The following SYNJ1 variants were observed in gnomAD, a reference collection of about 807,000 sequenced individuals.
SYNJ1 encodes the protein polyphosphatidylinositol phosphatase SYNJ1.
In SYNJ1, 78 loss-of-function variants were observed where a neutral mutation model predicts 168.2. The observed-to-expected ratio is 0.46, with a 90% confidence interval of 0.39 to 0.56. SYNJ1 has a LOEUF of 0.56. Ranked by LOEUF, SYNJ1 falls within the 20% of genes least tolerant of loss-of-function variation. The pLI, the probability that SYNJ1 is intolerant of heterozygous loss-of-function variation, is 0.00. For missense variants in SYNJ1, 1,303 were observed against 1,597.6 expected (o/e 0.82, Z 3.14); for synonymous variants, 539 against 548.6 (o/e 0.98, Z 0.24).
chr21:32,685,197 A>G (rs998021704), intron 9 of SYNJ1, among the ~76,000 whole-genome samples: 1 of 151,634 alleles, frequency 6.6e-6, no homozygotes, highest in African/African-American at 2.4e-5. Flanking sequence ...AAAAAAAAAA[A>G]AAGACTTAAG....
chr21:32,687,455 G>A (rs1007066931), intron 7 of SYNJ1, among the ~76,000 whole-genome samples: 18 of 152,170 alleles, frequency 1.2e-4, no homozygotes, highest in Non-Finnish European at 2.1e-4. Context: ...AGTATTCAGA[G>A]GGACCTCCTT....
Position 32,637,008 on chromosome 21 carries a change from A to G in SYNJ1, c.3915+1900T>C, listed in dbSNP as rs2039596889. Among the ~76,000 whole-genome samples, 2 of 152,190 alleles carry G rather than the reference A, an allele frequency of 1.3e-5. 1 individual carries two copies. Among genetic ancestry groups the G allele is most frequent in the South Asian group, 4.1e-4 (2 of 4,828 alleles). ...TATACTCACTTCAATGAAAAACATA[A>G]AACAATGGAAAGTTTTCTGAGAAAA... On this transcript the variant is annotated intron_variant, in intron 31 of 32. Coordinates refer to ENST00000674351, the MANE Select transcript of SYNJ1 (RefSeq NM_203446.3).
intron 29 of SYNJ1, among the ~76,000 whole-genome samples, chr21:32,640,250 C>T (rs2039770727): frequency 6.6e-6 from 1 of 151,840 alleles, no homozygotes; most frequent in Admixed American, 6.6e-5. Flanking sequence ...GAGATACATA[C>T]CTGAGCAACT....
intron 18 of SYNJ1, among the ~76,000 whole-genome samples, chr21:32,659,781 C>T (rs2040608633): frequency 1.3e-5 from 2 of 152,240 alleles, no homozygotes; most frequent in African/African-American, 2.4e-5. Flanking sequence ...TTTCCTTCTA[C>T]AACTCGGTGT....
Position 32,722,493 on chromosome 21 carries a change from T to C in SYNJ1, c.124+4279A>G, listed in dbSNP as rs117022710. ...TGAACCCAGGAGGCGGAGGTTGCAG[T>C]GCACGGAGATCATACCACTGCACTC... On this transcript the variant is annotated intron_variant, in intron 2 of 32. Transcript: ENST00000674351. Among the ~76,000 whole-genome samples, 90 of 152,188 alleles carry C rather than the reference T, an allele frequency of 5.9e-4. 1 individual carries two copies. The East Asian group carries it at 0.017, about 28-fold the overall frequency.
chr21:32,723,480 C>A (rs1179352600), intron 2 of SYNJ1, among the ~76,000 whole-genome samples: 5 of 152,302 alleles, frequency 3.3e-5, no homozygotes, highest in African/African-American at 1.2e-4. Flanking sequence ...AAGAAAAACA[C>A]CTACATATGA....
At chr21:32,694,149 A>T in intron 6 of SYNJ1, 79 bp downstream of exon 6, 2 of 994,996 alleles carry the variant, frequency 2.0e-6, no homozygotes, top group Non-Finnish European at 2.8e-6. Flanking sequence ...TCAATGAATT[A>T]ATTAATAAAC....
At chr21:32,727,817 T>A in intron 1 of SYNJ1, 129 bp downstream of exon 1, 1 of 1,459,024 alleles carries the variant, frequency 6.9e-7, no homozygotes, top group Non-Finnish European at 9.0e-7. Context: ...GCACCCCGGC[T>A]GCTCGCGGTC....
chr21:32,702,545 CA>C (rs552825183), intron 2 of SYNJ1, among the ~76,000 whole-genome samples: 181 of 150,828 alleles, frequency 1.2e-3, no homozygotes, highest in Non-Finnish European at 2.0e-3. Flanking sequence ...GAAAAAACAA[CA>C]AAAAAAAATC....
chr21:32,645,984 A>G (rs759278912), intron 24 of SYNJ1, 195 bp from the exon 25 acceptor site: 11 of 891,888 alleles, frequency 1.2e-5, no homozygotes, highest in Admixed American at 1.0e-4. Flanking sequence ...CAATAATGCT[A>G]CCTCTGTGCT....
At chr21:32,684,557 G>C (rs1260856108) in intron 9 of SYNJ1, among the ~76,000 whole-genome samples, 2 of 152,104 alleles carry the variant, frequency 1.3e-5, no homozygotes, top group Admixed American at 6.5e-5. Flanking sequence ...CTGCACTAAA[G>C]TTTCCCTTAA....
intron 29 of SYNJ1, among the ~76,000 whole-genome samples, chr21:32,640,410 C>T (rs2039779111): frequency 6.6e-6 from 1 of 152,072 alleles, no homozygotes; most frequent in African/African-American, 2.4e-5. Flanking sequence ...ACTTTCCTGC[C>T]TCAGCCTTCC....
chr21:32,680,968 A>C (rs2041599556), intron 11 of SYNJ1, among the ~76,000 whole-genome samples: 3 of 152,164 alleles, frequency 2.0e-5, no homozygotes, highest in African/African-American at 7.2e-5. Flanking sequence ...CTAAGGTAAG[A>C]TAAGTAAAGA....
chr21:32,665,661 A>C (rs1315896476), intron 17 of SYNJ1, among the ~76,000 whole-genome samples: 1 of 152,204 alleles, frequency 6.6e-6, no homozygotes, highest in East Asian at 1.9e-4. Flanking sequence ...CCTAAAATGT[A>C]TAAAAGCAAA....
chr21:32,693,796 T>A (rs2146161869), intron 6 of SYNJ1, among the ~76,000 whole-genome samples: 1 of 152,294 alleles, frequency 6.6e-6, no homozygotes, highest in Middle Eastern at 3.4e-3. Flanking sequence ...ACACAAGGGT[T>A]AAATTATTTG....
At chr21:32,676,248 A>G in intron 13 of SYNJ1, 84 bp downstream of exon 13, 1 of 1,089,612 alleles carries the variant, frequency 9.2e-7, no homozygotes, top group South Asian at 1.8e-5. Flanking sequence ...TTCCAATTAT[A>G]TGGCTTTATT....
At chr21:32,696,831 C>G (rs1160556022) in intron 4 of SYNJ1, among the ~76,000 whole-genome samples, 1 of 152,172 alleles carries the variant, frequency 6.6e-6, no homozygotes, top group Non-Finnish European at 1.5e-5. Flanking sequence ...TCCAGGAAAT[C>G]ACACGGGAAT....
chr21:32,728,133 G>A (rs1383101585), upstream of SYNJ1: 17 of 1,385,172 alleles, frequency 1.2e-5, no homozygotes, highest in Non-Finnish European at 1.5e-5. Flanking sequence ...CCGACCGGCT[G>A]GGCCTGGCAC....
At chr21:32,678,469 C>T (rs1357755723) in intron 12 of SYNJ1, among the ~76,000 whole-genome samples, 176 bp downstream of exon 12, 2 of 152,250 alleles carry the variant, frequency 1.3e-5, no homozygotes, top group Non-Finnish European at 2.9e-5. Flanking sequence ...ACTGATTGTA[C>T]AAATATTTTA....
Sources: gnomAD v4.1 joint callset for allele counts (sites outside exome capture counted in the v4.1 genomes callset) on GRCh38, gnomAD v4.1.1 for gene constraint, MANE v1.5 for transcripts, NCBI Gene and HGNC (gene_info 2026-07-23, HGNC 2026-07-21) for gene names.